The following AFF1 variants were observed in gnomAD, a reference collection of about 807,000 sequenced individuals.
AFF1 encodes the protein AF4/FMR2 family member 1.
In AFF1, 48 loss-of-function variants were observed where a neutral mutation model predicts 121.7. The ratio of observed to expected loss-of-function variants is 0.39; its 90% CI spans 0.31 to 0.50. The LOEUF (loss-of-function observed/expected upper bound fraction) is 0.50. AFF1 is among the 20% of genes least tolerant of loss of function. The probability of loss-of-function intolerance (pLI) is 0.76; values close to 1 mark genes in which losing one functional copy is unlikely to be tolerated. For synonymous variants in AFF1, 613 were observed against 563.0 expected, an observed-to-expected ratio of 1.09 and a Z score of -1.26; for missense variants, 1,523 against 1,511.7, an observed-to-expected ratio of 1.01 and a Z score of -0.12.
In AFF1 at chr4:87,020,622, C is replaced by CT. The variant is rs369666876; in HGVS notation, c.39-25543dup. On this transcript the variant is annotated intron_variant, in intron 2 of 20. Transcript: ENST00000395146. ...GCCTCAGCCTCCTGAGTAGCTGGGACTACAGGCACGTGCCAACATGTCCGG... is the reference window on the plus strand; with the variant it reads ...GCCTCAGCCTCCTGAGTAGCTGGGACTTACAGGCACGTGCCAACATGTCCGG... 3.7e-3 allele frequency among the ~76,000 whole-genome samples: 564 copies of CT among 152,168 alleles called. 4 individuals carry two copies. The highest frequency in any genetic ancestry group is 0.013 in the African/African-American group (534 of 41,522).
At chr4:86,996,859 G>T (rs1725252792) in intron 2 of AFF1, among the ~76,000 whole-genome samples, 1 of 152,260 alleles carries the variant, frequency 6.6e-6, no homozygotes, top group South Asian at 2.1e-4. Context: ...ATGCATTCAA[G>T]ATTAACGAGT....
intron 14 of AFF1, 81 bp from the exon 15 acceptor site, chr4:87,126,945 G>A (rs1173438970): frequency 2.5e-6 from 3 of 1,194,132 alleles, no homozygotes; most frequent in East Asian, 2.4e-5. Context: ...ACTATTTCGG[G>A]CTATTTAAGA....
At chr4:86,942,417 G>C (rs537862192) in intron 1 of AFF1, among the ~76,000 whole-genome samples, 1 of 152,284 alleles carries the variant, frequency 6.6e-6, no homozygotes, top group East Asian at 1.9e-4. Flanking sequence ...TATTTATTTA[G>C]CATAAGTTAA....
chr4:87,018,933 G>A (rs1342128534), intron 2 of AFF1, among the ~76,000 whole-genome samples: 1 of 152,240 alleles, frequency 6.6e-6, no homozygotes, highest in Non-Finnish European at 1.5e-5. Context: ...CCAGGTCAGT[G>A]AGGTACAGTT....
At chr4:87,128,123 C>T (rs567137913) in intron 16 of AFF1, among the ~76,000 whole-genome samples, 4 of 152,270 alleles carry the variant, frequency 2.6e-5, no homozygotes, top group Admixed American at 6.5e-5. Context: ...ACTCAGTCAA[C>T]GTGTGTTCAC....
intron 2 of AFF1, among the ~76,000 whole-genome samples, chr4:86,968,643 G>C (rs1465651996): frequency 9.9e-5 from 15 of 152,214 alleles, no homozygotes; most frequent in Admixed American, 9.8e-4. Context: ...TGGTAGGTAA[G>C]CTGAGGGAAA....
chr4:87,095,896 C>A (rs1422565707), intron 8 of AFF1, among the ~76,000 whole-genome samples: 1 of 152,186 alleles, frequency 6.6e-6, no homozygotes. Flanking sequence ...CTCTGTGTTG[C>A]TAGTCTCAGG....
intron 2 of AFF1, among the ~76,000 whole-genome samples, chr4:86,963,973 T>TTTTTTTTTTTTTTTTTTTTTTTTTC (rs1722343686): frequency 6.7e-6 from 1 of 149,922 alleles, no homozygotes; most frequent in Non-Finnish European, 1.5e-5. Flanking sequence ...GTTTTTTTTT[T>TTTTTTTTTTTTTTTTTTTTTTTTTC]TTTTTTTTTT....
chr4:87,071,217 GA>G (rs528427800), intron 4 of AFF1, among the ~76,000 whole-genome samples: 6 of 148,924 alleles, frequency 4.0e-5, no homozygotes, highest in Admixed American at 2.7e-4. Flanking sequence ...GTTAGTGTAG[GA>G]AAAAAAACTG....
At chr4:87,055,459 T>G (rs1188170640) in intron 4 of AFF1, among the ~76,000 whole-genome samples, 3 of 152,184 alleles carry the variant, frequency 2.0e-5, no homozygotes, top group Non-Finnish European at 4.4e-5. Context: ...GATGAGAAAT[T>G]CCTGTTCCTC....
intron 12 of AFF1, among the ~76,000 whole-genome samples, chr4:87,122,190 A>G (rs556234979): frequency 6.6e-6 from 1 of 152,272 alleles, no homozygotes; most frequent in East Asian, 1.9e-4. Context: ...CTGTCTTGTA[A>G]TGTTTCTTGG....
chr4:86,967,624 C>T (rs941002615), intron 2 of AFF1, among the ~76,000 whole-genome samples: 2 of 151,396 alleles, frequency 1.3e-5, no homozygotes, highest in Non-Finnish European at 2.9e-5. Flanking sequence ...TGAAGAGAAT[C>T]CAGTGGGCTC....
intron 2 of AFF1, among the ~76,000 whole-genome samples, chr4:86,986,692 G>T (rs1240305169): frequency 6.6e-6 from 1 of 151,944 alleles, no homozygotes; most frequent in Non-Finnish European, 1.5e-5. Context: ...TTAATAAAAG[G>T]ATCCTGTTTG....
intron 2 of AFF1, among the ~76,000 whole-genome samples, chr4:86,989,801 A>C (rs1348848140): frequency 6.6e-6 from 1 of 152,240 alleles, no homozygotes; most frequent in Non-Finnish European, 1.5e-5. Context: ...GATAGACGGG[A>C]TAAAGAAAAT....
intron 4 of AFF1, among the ~76,000 whole-genome samples, chr4:87,075,260 A>T (rs992611488): frequency 1.3e-5 from 2 of 152,122 alleles, no homozygotes; most frequent in African/African-American, 4.8e-5. Flanking sequence ...GCTTTAGTTG[A>T]TGAAAGATAA....
At chr4:87,110,423 C>A (rs1726350536) in intron 11 of AFF1, among the ~76,000 whole-genome samples, 1 of 149,250 alleles carries the variant, frequency 6.7e-6, no homozygotes, top group Non-Finnish European at 1.5e-5. Context: ...CTGGCAAATA[C>A]TAGATCTTGT....
chr4:86,963,881 C>T (rs1349375361), intron 2 of AFF1, among the ~76,000 whole-genome samples: 2 of 150,530 alleles, frequency 1.3e-5, no homozygotes, highest in African/African-American at 4.9e-5. Context: ...ACTACAGCCT[C>T]AATCTCCTGG....
rs11944829 is a variant in AFF1, at chr4:87,007,292, C to T, written c.39-38874C>T. ...AGGTAGTCCCGTAACATCGGGGCGC[C>T]GCGCCGGGACGCGTCCCCGCCCGGC... On this transcript the variant is annotated intron_variant, in intron 2 of 20. Coordinates refer to ENST00000395146, the MANE Select transcript of AFF1 (RefSeq NM_001166693.3). 12,870 of 1,567,712 alleles carry T rather than the reference C, an allele frequency of 8.2e-3. 834 individuals are homozygous for T. In the African/African-American group the frequency reaches 0.15, roughly 18 times the overall value.
chr4:87,007,515 G>C (rs1236952471), intron 2 of AFF1: 1 of 1,545,366 alleles, frequency 6.5e-7, no homozygotes, highest in Non-Finnish European at 8.9e-7. Flanking sequence ...GGAAGGAGAC[G>C]GACAGGAAGC....
Sources: gnomAD v4.1 joint callset for allele counts (sites outside exome capture counted in the v4.1 genomes callset) on GRCh38, gnomAD v4.1.1 for gene constraint, MANE v1.5 for transcripts, NCBI Gene and HGNC (gene_info 2026-07-23, HGNC 2026-07-21) for gene names.